Variants in ASCC3 observed in about 807,000 individuals in gnomAD.
ASCC3 encodes the protein ASC-1 complex subunit P200.
A neutral mutation model predicts 256.3 loss-of-function variants in ASCC3; 158 were observed. That is an observed-to-expected ratio of 0.62 (90% confidence interval 0.54 to 0.70). The LOEUF is 0.70. Among genes scored for constraint, ASCC3 ranks in the 30% least tolerant of loss-of-function variants. The pLI, the probability that ASCC3 is intolerant of heterozygous loss-of-function variation, is 0.00. For missense variants in ASCC3, 2,259 were observed against 2,626.0 expected (o/e 0.86, Z 3.05); for synonymous variants, 948 against 883.4 (o/e 1.07, Z -1.30).
chr6:100,582,543 T>C (rs2114751962), intron 36 of ASCC3, among the ~76,000 whole-genome samples: 1 of 152,176 alleles, frequency 6.6e-6, no homozygotes, highest in South Asian at 2.1e-4. Flanking sequence ...CAGGGACAAT[T>C]TGACTTCCTC....
chr6:100,711,762 C>T (rs892054878), intron 13 of ASCC3, among the ~76,000 whole-genome samples: 2 of 151,968 alleles, frequency 1.3e-5, no homozygotes, highest in African/African-American at 4.8e-5. Flanking sequence ...CTATCATAGA[C>T]TAGAAAAGGT....
At chr6:100,738,248 T>C (rs1310788006) in intron 10 of ASCC3, among the ~76,000 whole-genome samples, 2 of 152,244 alleles carry the variant, frequency 1.3e-5, no homozygotes, top group Non-Finnish European at 2.9e-5. Flanking sequence ...CAATTTTTGC[T>C]TTTGTTGCAA....
chr6:100,753,242 A>G (rs1781019603), intron 10 of ASCC3, among the ~76,000 whole-genome samples: 1 of 151,962 alleles, frequency 6.6e-6, no homozygotes, highest in Non-Finnish European at 1.5e-5. Flanking sequence ...TAACAATTCT[A>G]ATTAATATTT....
At chr6:100,701,096 G>T (rs922828415) in intron 13 of ASCC3, among the ~76,000 whole-genome samples, 1 of 152,102 alleles carries the variant, frequency 6.6e-6, no homozygotes, top group African/African-American at 2.4e-5. Context: ...GGAGGAACCC[G>T]GTTGGAGGTA....
Position 100,629,253 on chromosome 6 carries a change from T to C in ASCC3, c.4209-72A>G, listed in dbSNP as rs574290758. On this transcript the variant is annotated intron_variant, in intron 26 of 41. Transcript: ENST00000369162. ...ATGACCTTGGAAATGCAAAAACCTA[T>C]CTCTTTTAAAATAAAATTTTATAAG... 9.2e-5 allele frequency: 129 copies of C among 1,409,284 alleles called. No individual in the cohort carries two copies. The African/African-American group carries it at 1.7e-3, about 19-fold the overall frequency. 87.3% of individuals were successfully genotyped at this position (1,409,284 alleles called of 1,614,324 possible). A position where few individuals can be genotyped will look rare whatever the true frequency, so the allele number is the denominator to read the frequency against.
At chr6:100,655,654 CA>C (rs760891116) in intron 17 of ASCC3, 44 bp downstream of exon 17, 4 of 1,595,090 alleles carry the variant, frequency 2.5e-6, no homozygotes, top group Non-Finnish European at 3.4e-6. Flanking sequence ...ATGAAAGAAC[CA>C]AAAAGAAGGT....
chr6:100,539,375 A>G (rs555163091), intron 37 of ASCC3, among the ~76,000 whole-genome samples: 1 of 152,156 alleles, frequency 6.6e-6, no homozygotes, highest in Non-Finnish European at 1.5e-5. Flanking sequence ...GATTTTTTTC[A>G]TATACTTCAA....
At chr6:100,765,010 C>T (rs936553879) in intron 10 of ASCC3, among the ~76,000 whole-genome samples, 12 of 152,006 alleles carry the variant, frequency 7.9e-5, no homozygotes, top group East Asian at 1.9e-4. Flanking sequence ...GATAAGCGGG[C>T]GAAAAGGTCA....
Position 100,605,137 on chromosome 6 carries a change from A to G in ASCC3, c.5177+431T>C, listed in dbSNP as rs552186482. On this transcript the variant is annotated intron_variant, in intron 33 of 41. Transcript: ENST00000369162. ...CTATGAAAACCCTCACCAAACTAATACTTTATTAAATGTTTATTATGTGAT... is the reference window on the plus strand; with the variant it reads ...CTATGAAAACCCTCACCAAACTAATGCTTTATTAAATGTTTATTATGTGAT... Among the ~76,000 whole-genome samples the G allele has an allele frequency of 2.6e-5, 4 of 152,246 alleles. No individual in the cohort carries two copies. In the South Asian group the frequency reaches 8.3e-4, roughly 32 times the overall value.
At chr6:100,778,554 G>A (rs931441406) in intron 8 of ASCC3, among the ~76,000 whole-genome samples, 1 of 152,014 alleles carries the variant, frequency 6.6e-6, no homozygotes, top group Non-Finnish European at 1.5e-5. Flanking sequence ...AACTGTATTT[G>A]TGGTCAATGG....
intron 36 of ASCC3, among the ~76,000 whole-genome samples, chr6:100,584,104 T>C (rs994264156): frequency 8.6e-5 from 13 of 151,224 alleles, no homozygotes; most frequent in Middle Eastern, 3.4e-3. Context: ...CTATTAGGTC[T>C]GCTTGGTGCA....
chr6:100,836,092 G>T (rs1431299872), intron 4 of ASCC3, among the ~76,000 whole-genome samples: 2 of 151,970 alleles, frequency 1.3e-5, no homozygotes, highest in Admixed American at 6.6e-5. Context: ...ACTGATTTTT[G>T]TATGTTGATT....
intron 34 of ASCC3, among the ~76,000 whole-genome samples, chr6:100,597,478 A>T (rs1194683852): frequency 2.6e-5 from 4 of 152,160 alleles, no homozygotes; most frequent in African/African-American, 9.7e-5. Flanking sequence ...CTATCTTCCA[A>T]CAGAAAGTAA....
intron 10 of ASCC3, among the ~76,000 whole-genome samples, chr6:100,734,398 AC>A (rs763868695): frequency 1.8e-4 from 28 of 152,276 alleles, no homozygotes; most frequent in Admixed American, 7.2e-4. Flanking sequence ...TTTATTAACT[AC>A]AGTAATGTGA....
At position 100,530,295 on chromosome 6, in the gene ASCC3, C is replaced by T. The variant is rs1253085356; in HGVS notation, c.5775+9868G>A. On this transcript the variant is annotated intron_variant, in intron 37 of 41. Transcript: ENST00000369162. ...ACCAACATGAACAAGTTGAAATCAT[C>T]GCAGAAGGATAAAGTTTGTCAGTTT... The T allele has an allele frequency of 1.1e-5, 16 of 1,424,548 alleles. No homozygotes were observed. In the South Asian group the frequency reaches 1.3e-4, roughly 11 times the overall value. 88.2% of individuals were successfully genotyped at this position (1,424,548 alleles called of 1,614,324 possible).
At chr6:100,644,314 T>G (rs1775276390) in intron 22 of ASCC3, among the ~76,000 whole-genome samples, 185 bp from the exon 23 acceptor site, 1 of 152,172 alleles carries the variant, frequency 6.6e-6, no homozygotes, top group African/African-American at 2.4e-5. Flanking sequence ...ACCATCACCA[T>G]AATCTAATTT....
rs1773889642 is a variant in ASCC3, at chr6:100,620,368, TG to T, written c.4785+4823del. On this transcript the variant is annotated intron_variant, in intron 30 of 41. Transcript: ENST00000369162. ...AGGTATTTCCTTTGGGGTTTCCTGA[TG>T]CAGTATAACTTTACATCAATGATAC... 2.0e-5 allele frequency among the ~76,000 whole-genome samples: 3 copies of T among 152,204 alleles called. No individual in the cohort carries two copies. In the South Asian group the frequency reaches 6.2e-4, roughly 31 times the overall value.
intron 14 of ASCC3, among the ~76,000 whole-genome samples, chr6:100,672,497 T>C (rs1489864168): frequency 6.6e-6 from 1 of 151,992 alleles, no homozygotes; most frequent in Non-Finnish European, 1.5e-5. Flanking sequence ...AAGAGATAAC[T>C]ATCTCTTATT....
At chr6:100,608,288 TTTATATATACCTTATATATGTATACC>T (rs1773103103) in intron 30 of ASCC3, among the ~76,000 whole-genome samples, 2 of 60,082 alleles carry the variant, frequency 3.3e-5, no homozygotes, top group African/African-American at 7.2e-5. Flanking sequence ...TTATATATAC[TTTATATATACCTTATATATGTATACC>T]TTATATATAT....
Sources: allele counts gnomAD v4.1 joint callset (sites outside exome capture counted in the v4.1 genomes callset), GRCh38; gene constraint gnomAD v4.1.1; transcripts MANE v1.5; gene names NCBI Gene and HGNC (gene_info 2026-07-23, HGNC 2026-07-21).